Variants in FMN2 observed in about 807,000 individuals in gnomAD.
The protein encoded by FMN2 is formin 2, also known as formin-2.
Under a neutral mutation model 142.3 loss-of-function variants are expected in FMN2, and 51 were observed. The observed-to-expected ratio is 0.36, with a 90% confidence interval of 0.29 to 0.45. The LOEUF (loss-of-function observed/expected upper bound fraction) is 0.45, where lower values mean the gene tolerates loss of function less well. FMN2 is among the 20% of genes least tolerant of loss of function. FMN2 has a pLI of 1.00. For synonymous variants in FMN2, 882 were observed against 869.8 expected (o/e 1.01, Z -0.25); for missense variants, 1,936 against 2,122.8 (o/e 0.91, Z 1.73).
At chr1:240,205,456 CTTT>C (rs36115091) in intron 4 of FMN2, among the ~76,000 whole-genome samples, 201 of 97,462 alleles carry the variant, frequency 2.1e-3, no homozygotes, top group African/African-American at 8.6e-3. Context: ...ATGCTCTTTC[CTTT>C]TTTTTTTTTT....
chr1:240,191,704 A>G (rs991209050), intron 4 of FMN2, among the ~76,000 whole-genome samples: 9 of 152,246 alleles, frequency 5.9e-5, no homozygotes, highest in Non-Finnish European at 1.2e-4. Flanking sequence ...AGATTGGTGT[A>G]TGGTAACATG....
At chr1:240,459,738 A>T (rs1313827984) in intron 16 of FMN2, among the ~76,000 whole-genome samples, 2 of 121,590 alleles carry the variant, frequency 1.6e-5, no homozygotes, top group Admixed American at 8.2e-5. Flanking sequence ...AAAAAAAAAA[A>T]AAAAAAAAAA....
Position 240,330,740 on chromosome 1 carries a change from C to G in FMN2, c.4575C>G (p.Val1525=), listed in dbSNP as rs528956864. ...ACATTCTTCCAAAACTGAAAGATGTCAAGAGCAGTGTAAGTATTTTGCATG... is the reference window on the plus strand; with the variant it reads ...ACATTCTTCCAAAACTGAAAGATGTGAAGAGCAGTGTAAGTATTTTGCATG... ...GLDILPKLKD[V]KSSDNSRSLL... The change falls in exon 11 of 18, where the codon GTC becomes GTG. Residue 1525 remains valine (V), a synonymous_variant. Coordinates refer to ENST00000319653, the MANE Select transcript of FMN2 (RefSeq NM_020066.5). The G allele has an allele frequency of 2.5e-6, 4 of 1,613,784 alleles. No homozygotes were observed. In the East Asian group the frequency reaches 8.9e-5, roughly 36 times the overall value.
intron 15 of FMN2, among the ~76,000 whole-genome samples, chr1:240,426,779 A>G (rs1057096722): frequency 1.3e-5 from 2 of 152,190 alleles, no homozygotes; most frequent in Admixed American, 6.5e-5. Context: ...TCTGTCACCC[A>G]GGATGGAGTA....
chr1:240,177,128 G>A (rs771557464), intron 2 of FMN2, among the ~76,000 whole-genome samples: 13 of 152,014 alleles, frequency 8.6e-5, no homozygotes, highest in Admixed American at 2.0e-4. Context: ...CACAAATATA[G>A]GGCATGCATA....
chr1:240,251,488 C>T (rs1014014103), intron 6 of FMN2, among the ~76,000 whole-genome samples: 5 of 152,272 alleles, frequency 3.3e-5, no homozygotes, highest in African/African-American at 1.2e-4. Context: ...TGTGTCCTAA[C>T]ACATTATCTA....
rs1664995756 is a variant in FMN2 at position 240,178,038 on chromosome 1, G to A, written c.1900G>A (p.Glu634Lys). Residue 634 changes from glutamate (E) to lysine (K), a missense_variant, in exon 3 of 18, where the codon GAG becomes AAG. Around this residue, in one of 8 missense-constraint regions of FMN2, gnomAD observed 478 missense variants for 462.8 expected, o/e 1.03. Coordinates refer to ENST00000319653, the MANE Select transcript of FMN2 (RefSeq NM_020066.5). ...SMGPPSKPPD[E>K]EHRLEDAETE... ...GGGGCCACCATCCAAACCTCCCGAT[G>A]AGGAACACAGGCTCGAGGATGCTGA... The A allele has an allele frequency of 1.2e-6, 2 of 1,609,586 alleles. No homozygotes were observed. The highest frequency in any genetic ancestry group is 8.5e-7 in the Non-Finnish European group (1 of 1,178,578).
chr1:240,293,806 A>G (rs1669872301), intron 7 of FMN2, among the ~76,000 whole-genome samples: 1 of 152,158 alleles, frequency 6.6e-6, no homozygotes, highest in Non-Finnish European at 1.5e-5. Flanking sequence ...CCAAATACAA[A>G]TGCTAAATTA....
intron 6 of FMN2, among the ~76,000 whole-genome samples, chr1:240,248,923 T>C (rs1668180800): frequency 6.6e-6 from 1 of 152,014 alleles, no homozygotes; most frequent in Admixed American, 6.6e-5. Context: ...GATGAATTAT[T>C]TATTTATTTA....
chr1:240,197,914 C>A (rs1162482109), intron 4 of FMN2, among the ~76,000 whole-genome samples: 1 of 152,054 alleles, frequency 6.6e-6, no homozygotes, highest in Non-Finnish European at 1.5e-5. Context: ...GGTGATCCAC[C>A]CACCTCAGCC....
In FMN2 at chr1:240,457,331, G is replaced by A. The variant is rs547602455; in HGVS notation, c.5061-15041G>A. On this transcript the variant is annotated intron_variant, in intron 16 of 17. Coordinates refer to ENST00000319653, the MANE Select transcript of FMN2 (RefSeq NM_020066.5). ...CCATTTTCCTCTCTAATCGTTCCCC[G>A]TACTGCCACCTTCCACATTCTTCAA... is the stretch of plus-strand genomic sequence containing the variant. Among the ~76,000 whole-genome samples the A allele has an allele frequency of 3.9e-5, 6 of 152,172 alleles. No homozygotes were observed. The East Asian group carries it at 7.7e-4, about 20-fold the overall frequency.
At chr1:240,137,069 C>CAAAA (rs563163509) in intron 2 of FMN2, among the ~76,000 whole-genome samples, 6 of 76,184 alleles carry the variant, frequency 7.9e-5, no homozygotes, top group African/African-American at 2.4e-4. Context: ...AACTCCGTCT[C>CAAAA]AAAAAAAAAA....
At chr1:240,228,931 A>G (rs984398780) in intron 6 of FMN2, among the ~76,000 whole-genome samples, 2 of 152,080 alleles carry the variant, frequency 1.3e-5, no homozygotes, top group African/African-American at 2.4e-5. Context: ...TGAAGAGACT[A>G]AAGATATATG....
chr1:240,205,318 A>T (rs1268615685), intron 4 of FMN2, among the ~76,000 whole-genome samples: 1 of 152,178 alleles, frequency 6.6e-6, no homozygotes, highest in Non-Finnish European at 1.5e-5. Context: ...AGTACGATTG[A>T]CACTGCAGTT....
intron 2 of FMN2, among the ~76,000 whole-genome samples, chr1:240,169,075 G>C (rs1279963536): frequency 6.6e-6 from 1 of 152,172 alleles, no homozygotes; most frequent in African/African-American, 2.4e-5. Flanking sequence ...GCTGGGCGTG[G>C]TGGCACATGC....
At chr1:240,154,101 T>A (rs867137571) in intron 2 of FMN2, among the ~76,000 whole-genome samples, 2 of 38,438 alleles carry the variant, frequency 5.2e-5, no homozygotes, top group East Asian at 1.3e-3. Context: ...CAAAGTGAGA[T>A]TCCATCAAAA....
intron 7 of FMN2, among the ~76,000 whole-genome samples, chr1:240,260,368 A>G (rs1183793964): frequency 6.6e-6 from 1 of 152,182 alleles, no homozygotes; most frequent in Non-Finnish European, 1.5e-5. Flanking sequence ...CATTCCCACC[A>G]GCAGTGTAGA....
At chr1:240,430,553 A>G (rs887377891) in intron 15 of FMN2, among the ~76,000 whole-genome samples, 2 of 151,834 alleles carry the variant, frequency 1.3e-5, no homozygotes, top group African/African-American at 2.4e-5. Context: ...TTTGTGTCTT[A>G]TGTAATAAAT....
chr1:240,335,466 T>C (rs570067427), intron 13 of FMN2, among the ~76,000 whole-genome samples: 1 of 152,322 alleles, frequency 6.6e-6, no homozygotes, highest in Admixed American at 6.5e-5. Context: ...GCTATAGTAT[T>C]ATACTTCAAC....
Sources: gnomAD v4.1 joint callset for allele counts (sites outside exome capture counted in the v4.1 genomes callset) on GRCh38, gnomAD v4.1.1 for gene constraint, gnomAD v4.1.1 regional missense constraint, MANE v1.5 for transcripts, NCBI Gene and HGNC (gene_info 2026-07-23, HGNC 2026-07-21) for gene names.